Variants in ALPL observed in about 807,000 individuals in gnomAD.
ALPL encodes the protein alkaline phosphatase, biomineralization associated.
Under a neutral mutation model 51.3 loss-of-function variants are expected in ALPL, and 42 were observed. The observed-to-expected ratio is 0.82, with a 90% confidence interval of 0.64 to 1.06. The LOEUF (loss-of-function observed/expected upper bound fraction) is 1.06, where lower values mean the gene tolerates loss of function less well. Ranked by LOEUF, ALPL falls within the 50% of genes least tolerant of loss-of-function variation. The pLI, the probability that ALPL is intolerant of heterozygous loss-of-function variation, is 0.00. For missense variants in ALPL, 589 were observed against 709.4 expected, an observed-to-expected ratio of 0.83 and a Z score of 1.93; for synonymous variants, 279 against 296.4, an observed-to-expected ratio of 0.94 and a Z score of 0.60.
chr1:21,522,103 G>A (rs568429711), intron 1 of ALPL, among the ~76,000 whole-genome samples: 4 of 142,216 alleles, frequency 2.8e-5, no homozygotes, highest in Admixed American at 2.2e-4. Context: ...ATGGAGTCTC[G>A]CTCTGTCGCC....
intron 1 of ALPL, among the ~76,000 whole-genome samples, chr1:21,552,114 T>TCCCCTCCCCCCCCCTCCCC (rs1244827813): frequency 3.9e-5 from 2 of 51,434 alleles, no homozygotes; most frequent in Non-Finnish European, 7.3e-5. Context: ...TTTCCTCCCC[T>TCCCCTCCCCCCCCCTCCCC]TCCCTTTCCT....
intron 2 of ALPL, among the ~76,000 whole-genome samples, chr1:21,554,870 TTTCTC>T: frequency 7.9e-6 from 1 of 126,670 alleles, no homozygotes; most frequent in Non-Finnish European, 1.7e-5. Context: ...TCTTTCTTTC[TTTCTC>T]TCTTTCTTTC....
In ALPL at chr1:21,564,346, GC is replaced by G; in HGVS notation, c.648+133del. ...TCCCCACACACCTGGGAGGCTCCCA[GC>G]CCATTAGGGGATTTGCGGTTGGGCA... On this transcript the variant is annotated intron_variant, in intron 6 of 11. Transcript: ENST00000374840. This position sits in a 1 kb window ranked among gnomAD's most constrained non-coding sequence, Gnocchi z 5.8. The G allele has an allele frequency of 8.3e-7, 1 of 1,200,684 alleles. No homozygotes were observed. Among genetic ancestry groups the G allele is most frequent in the Non-Finnish European group, 1.2e-6 (1 of 860,460 alleles). The allele number at this position is 1,200,684 out of a possible 1,614,324, so 74.4% of individuals were successfully genotyped here. A position where few individuals can be genotyped will look rare whatever the true frequency, so the allele number is the denominator to read the frequency against.
intron 8 of ALPL, among the ~76,000 whole-genome samples, chr1:21,572,573 C>T (rs1644664722): frequency 6.6e-6 from 1 of 152,162 alleles, no homozygotes; most frequent in Non-Finnish European, 1.5e-5. Context: ...GGTTATTGGG[C>T]ACCATCTTGG....
intron 1 of ALPL, among the ~76,000 whole-genome samples, chr1:21,517,993 T>A (rs1016774482): frequency 4.6e-5 from 7 of 151,456 alleles, no homozygotes; most frequent in Non-Finnish European, 8.8e-5. Flanking sequence ...TGGGTGGGGG[T>A]AGGGAAGGGA....
At chr1:21,532,727 GC>G (rs970327712) in intron 1 of ALPL, among the ~76,000 whole-genome samples, 46 of 152,298 alleles carry the variant, frequency 3.0e-4, no homozygotes, top group African/African-American at 1.1e-3. Context: ...CTTGGCATGG[GC>G]TGTTCCAGCA....
At chr1:21,522,892 G>A (rs934380509) in intron 1 of ALPL, among the ~76,000 whole-genome samples, 2 of 152,274 alleles carry the variant, frequency 1.3e-5, no homozygotes, top group Non-Finnish European at 1.5e-5. Flanking sequence ...CACTGTTCAA[G>A]CAAGTCAGAT....
intron 1 of ALPL, among the ~76,000 whole-genome samples, chr1:21,513,487 G>A (rs1643732362): frequency 6.6e-6 from 1 of 152,128 alleles, no homozygotes; most frequent in Admixed American, 6.5e-5. Context: ...TGTGACCTTG[G>A]GCAAGTCACT....
intron 1 of ALPL, among the ~76,000 whole-genome samples, chr1:21,531,964 T>C (rs1323020008): frequency 6.6e-6 from 1 of 151,952 alleles, no homozygotes; most frequent in Non-Finnish European, 1.5e-5. Context: ...TCCCCATTGT[T>C]GCCTAGGCTT....
chr1:21,533,938 G>A (rs113699390), intron 1 of ALPL, among the ~76,000 whole-genome samples: 4 of 37,064 alleles, frequency 1.1e-4, no homozygotes, highest in Admixed American at 6.2e-4. Flanking sequence ...AAAAAAAAAA[G>A]AAGAAGAAGA....
chr1:21,559,655 G>A (rs1010143427), intron 2 of ALPL, among the ~76,000 whole-genome samples: 3 of 152,180 alleles, frequency 2.0e-5, no homozygotes, highest in African/African-American at 7.2e-5. Flanking sequence ...GAGTAGCTGG[G>A]ACTACAGGTG....
rs377009331 is a variant in ALPL at position 21,523,046 on chromosome 1, G to A, written c.-105+13529G>A. ...CCTGCCTGTAATCCCAGCACTTTGG[G>A]AGGCCGAGGTGGGTGGATCACCTGA... On this transcript the variant is annotated intron_variant, in intron 1 of 11. Coordinates refer to ENST00000374840, the MANE Select transcript of ALPL (RefSeq NM_000478.6). 6.3e-4 allele frequency among the ~76,000 whole-genome samples: 96 copies of A among 152,320 alleles called. 3 individuals carry two copies. The South Asian group carries it at 0.019, about 30-fold the overall frequency.
chr1:21,532,794 T>A (rs1239672319), intron 1 of ALPL, among the ~76,000 whole-genome samples: 2 of 152,058 alleles, frequency 1.3e-5, no homozygotes, highest in East Asian at 3.9e-4. Flanking sequence ...TCCTCAAGAC[T>A]CCTTCCCTGA....
intron 1 of ALPL, among the ~76,000 whole-genome samples, chr1:21,545,393 C>T (rs1043024283): frequency 1.3e-5 from 2 of 152,098 alleles, no homozygotes; most frequent in African/African-American, 2.4e-5. Flanking sequence ...CGGGTTCAAG[C>T]GATTCTCCTG....
intron 1 of ALPL, among the ~76,000 whole-genome samples, chr1:21,548,502 G>A (rs1553409836): frequency 1.3e-5 from 2 of 152,220 alleles, no homozygotes; most frequent in Non-Finnish European, 1.5e-5. Flanking sequence ...TGGGTAAGAT[G>A]TTGGTCTTTA....
chr1:21,543,884 A>G (rs989212793), intron 1 of ALPL, among the ~76,000 whole-genome samples: 7 of 152,166 alleles, frequency 4.6e-5, no homozygotes, highest in Non-Finnish European at 8.8e-5. Context: ...TCAGTTTATT[A>G]GGCTGCTTGG....
intron 1 of ALPL, among the ~76,000 whole-genome samples, chr1:21,538,214 A>G (rs1364026179): frequency 6.6e-6 from 1 of 152,118 alleles, no homozygotes; most frequent in Non-Finnish European, 1.5e-5. Flanking sequence ...GGTGTGCCCA[A>G]GGTCAATGGG....
rs565057124 is a variant in ALPL at position 21,539,472 on chromosome 1, A to G, written c.-104-14506A>G. On this transcript the variant is annotated intron_variant, in intron 1 of 11. Transcript: ENST00000374840. ...TGAAATATTTTCATCAGTTGCCGCA[A>G]ATCACTAATGTACGGAAGTCCAAGA... Among the ~76,000 whole-genome samples the G allele has an allele frequency of 1.2e-4, 19 of 152,282 alleles. No individual in the cohort carries two copies. The South Asian group carries it at 3.9e-3, about 32-fold the overall frequency.
rs2148161378 is a variant in ALPL at position 21,564,076 on chromosome 1, A to G, written c.508A>G (p.Asn170Asp). 1 of 1,614,064 alleles carries G rather than the reference A, an allele frequency of 6.2e-7. No individual in the cohort carries two copies. ...SVGIVTTTRV[N>D]HATPSAAYAH... ...GGGCATTGTGACCACCACGAGAGTG[A>G]ACCATGCCACCCCCAGCGCCGCCTA... The change falls in exon 6 of 12, where the codon AAC (asparagine) becomes GAC (aspartate). Residue 170 changes from asparagine (N) to aspartate (D), a missense_variant. Coordinates refer to ENST00000374840, the MANE Select transcript of ALPL (RefSeq NM_000478.6). The surrounding 1 kb of genome is among the most constrained non-coding windows in gnomAD (Gnocchi z 5.8).
Sources: allele counts gnomAD v4.1 joint callset (sites outside exome capture counted in the v4.1 genomes callset), GRCh38; gene constraint gnomAD v4.1.1; non-coding constraint Gnocchi (gnomAD v3.1); transcripts MANE v1.5; gene names NCBI Gene and HGNC (gene_info 2026-07-23, HGNC 2026-07-21).